Variants in PUDP observed in about 807,000 individuals in gnomAD.
The protein encoded by PUDP is pseudouridine 5'-phosphatase, also known as pseudouridine-5'-phosphatase.
PUDP carries 8 observed loss-of-function variants against 9.4 expected under a neutral mutation model. The observed-to-expected ratio is 0.85, with a 90% confidence interval of 0.50 to 1.53. The LOEUF is 1.53. Ranked by LOEUF, PUDP falls within the 40% of genes most tolerant of loss-of-function variation. The pLI, the probability that PUDP is intolerant of heterozygous loss-of-function variation, is 0.00. For missense variants in PUDP, 188 were observed against 189.7 expected, an observed-to-expected ratio of 0.99 and a Z score of 0.05; for synonymous variants, 99 against 80.7, an observed-to-expected ratio of 1.23 and a Z score of -1.22.
chrX:6,880,014 G>A (rs916403720), intron 3 of PUDP, among the ~76,000 whole-genome samples: 1 of 111,086 alleles, frequency 9.0e-6, no homozygotes, highest in South Asian at 3.8e-4. Flanking sequence ...AAAAAAAGAG[G>A]GGAGAACCAA....
intron 3 of PUDP, among the ~76,000 whole-genome samples, chrX:6,943,477 G>A (rs745882703): frequency 7.2e-5 from 8 of 111,230 alleles, no homozygotes; most frequent in African/African-American, 9.8e-5. Flanking sequence ...CAGATTTTTC[G>A]TTAATTTGAA....
At chrX:6,839,104 C>A (rs976583222) in intron 3 of PUDP, among the ~76,000 whole-genome samples, 1 of 112,288 alleles carries the variant, frequency 8.9e-6, no homozygotes, top group Non-Finnish European at 1.9e-5. Flanking sequence ...AGGAATAGCA[C>A]ATTGATGATC....
rs780853481 is a variant in PUDP, at chrX:6,745,572, G to C, written c.*248-39106C>G. On this transcript the variant is annotated intron_variant and NMD_transcript_variant, in intron 3 of 3. Coordinates refer to the PUDP transcript ENST00000655425. ...GGACACAGGATCCTCTTTTCTGGAA[G>C]TGGCCAGTGGGTTTTTTTCAAAATA... Among the ~76,000 whole-genome samples, 5 of 112,109 alleles carry C rather than the reference G, an allele frequency of 4.5e-5. No homozygotes were observed. In the South Asian group the frequency reaches 1.5e-3, roughly 34 times the overall value.
chrX:6,862,102 T>C (rs1374012280), intron 3 of PUDP, among the ~76,000 whole-genome samples: 1 of 111,938 alleles, frequency 8.9e-6, no homozygotes, highest in African/African-American at 3.2e-5. Flanking sequence ...CTTAAGTGAC[T>C]GTGCTGAAAG....
At chrX:6,950,557 C>A (rs1185145053) in intron 3 of PUDP, among the ~76,000 whole-genome samples, 1 of 103,168 alleles carries the variant, frequency 9.7e-6, no homozygotes, top group African/African-American at 3.5e-5. Flanking sequence ...ACTACAGGCA[C>A]CCACCACCAC....
chrX:7,076,973 T>C (rs995016482), intron 3 of PUDP, among the ~76,000 whole-genome samples: 20 of 112,006 alleles, frequency 1.8e-4, no homozygotes, highest in East Asian at 2.8e-4. Context: ...GCTTCTCAGA[T>C]TGTCCCTGAG....
chrX:6,995,177 A>G (rs1360894842), intron 1 of PUDP, among the ~76,000 whole-genome samples: 1 of 111,213 alleles, frequency 9.0e-6, no homozygotes, highest in Non-Finnish European at 1.9e-5. Context: ...CAGAGAATGG[A>G]CATGCAATTC....
At chrX:7,139,638 T>C (rs1185386705) in intron 1 of PUDP, among the ~76,000 whole-genome samples, 1 of 112,269 alleles carries the variant, frequency 8.9e-6, no homozygotes, top group Non-Finnish European at 1.9e-5. Context: ...CATTTGCTCT[T>C]ACTTCATAGA....
chrX:6,980,161 C>T (rs1352255200), intron 1 of PUDP, among the ~76,000 whole-genome samples: 1 of 99,819 alleles, frequency 1.0e-5, no homozygotes, highest in Non-Finnish European at 2.0e-5. Flanking sequence ...CTTCCTCTCC[C>T]CTCCCCTCCC....
At chrX:6,872,600 G>A (rs1312546183) in intron 3 of PUDP, among the ~76,000 whole-genome samples, 1 of 107,345 alleles carries the variant, frequency 9.3e-6, no homozygotes, top group African/African-American at 3.4e-5. Context: ...TTGGGAGGCT[G>A]AGGCAGGAGA....
At chrX:7,027,628 G>A (rs1341142277) in intron 1 of PUDP, among the ~76,000 whole-genome samples, 3 of 100,291 alleles carry the variant, frequency 3.0e-5, no homozygotes, top group African/African-American at 7.2e-5. Context: ...GAGAATATAT[G>A]TAAAGGAGAA....
intron 2 of PUDP, among the ~76,000 whole-genome samples, chrX:7,091,392 G>GC (rs1478461718): frequency 8.9e-6 from 1 of 111,741 alleles, no homozygotes; most frequent in Admixed American, 9.4e-5. Context: ...AGGCTGGAGT[G>GC]CAGAGGCATG....
intron 3 of PUDP, among the ~76,000 whole-genome samples, chrX:6,816,853 CACAT>C (rs1048300204): frequency 4.3e-5 from 4 of 93,622 alleles, no homozygotes; most frequent in Admixed American, 1.3e-4. Context: ...AATATATACA[CACAT>C]ACAGTATATA....
chrX:6,916,162 C>T (rs1345777567), intron 3 of PUDP, among the ~76,000 whole-genome samples: 1 of 103,695 alleles, frequency 9.6e-6, no homozygotes. Flanking sequence ...TGCATTTCTA[C>T]CCAGTCACCC....
intron 3 of PUDP, among the ~76,000 whole-genome samples, chrX:7,051,604 C>T (rs1337204486): frequency 8.9e-6 from 1 of 112,159 alleles, no homozygotes; most frequent in Non-Finnish European, 1.9e-5. Context: ...TGTTTGTACA[C>T]TGCATTTATC....
chrX:6,945,385 C>A (rs1429682100), intron 3 of PUDP, among the ~76,000 whole-genome samples: 1 of 111,465 alleles, frequency 9.0e-6, no homozygotes, highest in South Asian at 3.8e-4. Flanking sequence ...TGTTTTTTCC[C>A]CTTTTTTGTC....
intron 3 of PUDP, among the ~76,000 whole-genome samples, chrX:6,810,208 A>C (rs1681276800): frequency 8.9e-6 from 1 of 112,031 alleles, no homozygotes; most frequent in Middle Eastern, 4.2e-3. Flanking sequence ...CCAACAAACA[A>C]GATTTCGTTG....
intron 3 of PUDP, among the ~76,000 whole-genome samples, chrX:6,815,587 C>A (rs375109294): frequency 1.8e-4 from 20 of 111,190 alleles, no homozygotes; most frequent in African/African-American, 6.5e-4. Context: ...GAGGGTGAGG[C>A]CTAGAACTGG....
chrX:6,872,696 T>TAA (rs199625491), intron 3 of PUDP, among the ~76,000 whole-genome samples: 106 of 63,829 alleles, frequency 1.7e-3, no homozygotes, highest in African/African-American at 6.1e-3. Context: ...AAGATTCCAT[T>TAA]AAAAAAAAAA....
Sources: allele counts gnomAD v4.1 joint callset (sites outside exome capture counted in the v4.1 genomes callset), GRCh38; gene constraint gnomAD v4.1.1; transcripts MANE v1.5; gene names NCBI Gene and HGNC (gene_info 2026-07-23, HGNC 2026-07-21).